PDE8B: variants seen among roughly 807,000 people sequenced by gnomAD.
PDE8B encodes high affinity cAMP-specific and IBMX-insensitive 3',5'-cyclic phosphodiesterase 8B.
A neutral mutation model predicts 101.3 loss-of-function variants in PDE8B; 26 were observed. The observed-to-expected ratio is 0.26, with a 90% confidence interval of 0.19 to 0.36. The LOEUF (loss-of-function observed/expected upper bound fraction) is 0.36, where lower values mean the gene tolerates loss of function less well. PDE8B is among the 10% of genes least tolerant of loss of function. The pLI is 1.00. For missense variants in PDE8B, 810 were observed against 1,163.1 expected (o/e 0.70, Z 4.42); for synonymous variants, 424 against 429.3 (o/e 0.99, Z 0.15).
Position 77,335,551 on chromosome 5 carries a change from G to C in PDE8B, c.709-1676G>C, listed in dbSNP as rs1434933048. On this transcript the variant is annotated intron_variant, in intron 5 of 21. Coordinates refer to ENST00000264917, the MANE Select transcript of PDE8B (RefSeq NM_003719.5). ...ATGTGGGGTGTGTGTGTGTGTGTGT[G>C]TGTGTGTGTGTGTGAGAGAGAGAGG... Among the ~76,000 whole-genome samples, 20 of 128,724 alleles carry C rather than the reference G, an allele frequency of 1.6e-4. No homozygotes were observed. In the East Asian group the frequency reaches 5.7e-3, roughly 37 times the overall value. 84.4% of individuals were successfully genotyped at this position (128,724 alleles called of 152,430 possible).
At chr5:77,197,109 CTTTTTTT>C in the PDE8B span, among the ~76,000 whole-genome samples, 1 of 94,660 alleles carries the variant, frequency 1.1e-5, no homozygotes, top group Admixed American at 1.3e-4. Context: ...TTAAAAAAAA[CTTTTTTT>C]TTTTTTTTTT....
At chr5:77,200,316 G>C in the PDE8B span, among the ~76,000 whole-genome samples, 2 of 152,134 alleles carry the variant, frequency 1.3e-5, no homozygotes, top group African/African-American at 2.4e-5. Flanking sequence ...GCAACCTTTT[G>C]GATAGGATCA....
At chr5:77,394,083 T>C (rs1311965160) in intron 10 of PDE8B, among the ~76,000 whole-genome samples, 1 of 152,216 alleles carries the variant, frequency 6.6e-6, no homozygotes, top group Admixed American at 6.5e-5. Context: ...TACATTGCCA[T>C]AAAGTAAGAA....
rs765720301 is a variant in PDE8B, at chr5:77,211,004, C to G, written c.79C>G (p.Arg27Gly). ...GGACTCGGACGAGTCCAGCTCGCCC[C>G]GCCAGACCACCAGCGTGTCGCAGGG... ...CRDSDESSSP[R>G]QTTSVSQGPA... The change falls in exon 1 of 22, where the codon CGC (arginine) becomes GGC (glycine). Residue 27 changes from arginine (R) to glycine (G), a missense_variant. By Grantham distance (125) the Arg-to-Gly change is moderately radical (BLOSUM62 -2). This residue lies in a region of PDE8B where 159 missense variants were observed against 146.6 expected (regional missense o/e 1.08). Transcript: ENST00000264917. This position sits in a 1 kb window ranked among gnomAD's most constrained non-coding sequence, Gnocchi z 4.1. 6.5e-7 allele frequency: 1 copy of G among 1,548,836 alleles called. No homozygotes were observed. Among genetic ancestry groups the G allele is most frequent in the African/African-American group, 1.4e-5 (1 of 70,544 alleles).
chr5:77,104,217 A>G, the PDE8B span, among the ~76,000 whole-genome samples: 10 of 152,284 alleles, frequency 6.6e-5, no homozygotes, highest in East Asian at 1.7e-3. Context: ...TCCACACAGT[A>G]AGGAACCACG....
the PDE8B span, among the ~76,000 whole-genome samples, chr5:77,092,731 C>T: frequency 3.9e-5 from 6 of 151,974 alleles, no homozygotes; most frequent in South Asian, 2.1e-4. Flanking sequence ...CCAGCCTGGA[C>T]GACATGGTGA....
intron 6 of PDE8B, among the ~76,000 whole-genome samples, chr5:77,338,015 C>T (rs532149199): frequency 6.6e-6 from 1 of 152,260 alleles, no homozygotes; most frequent in South Asian, 2.1e-4. Context: ...TGATGTTTTC[C>T]TCTCTTCTCA....
intron 1 of PDE8B, among the ~76,000 whole-genome samples, chr5:77,253,067 T>G (rs1758392314): frequency 6.6e-6 from 1 of 152,186 alleles, no homozygotes; most frequent in African/African-American, 2.4e-5. Context: ...GAAAATTAAT[T>G]GGTATACTAG....
chr5:77,309,366 C>T (rs1243004785), intron 1 of PDE8B, among the ~76,000 whole-genome samples: 1 of 152,040 alleles, frequency 6.6e-6, no homozygotes, highest in Non-Finnish European at 1.5e-5. Flanking sequence ...GGAATCCTTC[C>T]CTATCTCTTG....
At chr5:77,235,086 C>T (rs961742502) in intron 1 of PDE8B, among the ~76,000 whole-genome samples, 6 of 152,106 alleles carry the variant, frequency 3.9e-5, no homozygotes, top group African/African-American at 1.4e-4. Context: ...CAGAGCAGCC[C>T]CACAGAGGCC....
At chr5:77,261,241 A>G (rs1760517557) in intron 1 of PDE8B, among the ~76,000 whole-genome samples, 1 of 152,206 alleles carries the variant, frequency 6.6e-6, no homozygotes, top group South Asian at 2.1e-4. Context: ...AACTCACCAT[A>G]TGATATATAC....
intron 5 of PDE8B, among the ~76,000 whole-genome samples, chr5:77,333,046 A>C (rs1471000093): frequency 6.6e-6 from 1 of 151,828 alleles, no homozygotes; most frequent in East Asian, 1.9e-4. Context: ...TTTGTGATGC[A>C]GTTGTTTTGT....
chr5:77,268,279 T>C (rs1266912011), intron 1 of PDE8B, among the ~76,000 whole-genome samples: 1 of 152,174 alleles, frequency 6.6e-6, no homozygotes, highest in Non-Finnish European at 1.5e-5. Context: ...ACATGAGATA[T>C]TTTGATACAG....
chr5:77,422,087 A>C (rs1796768105), intron 20 of PDE8B, 99 bp downstream of exon 20: 3 of 1,274,192 alleles, frequency 2.4e-6, no homozygotes, highest in African/African-American at 1.5e-5. Context: ...CTTTTTACCA[A>C]TTAGTTAACC....
the PDE8B span, among the ~76,000 whole-genome samples, chr5:77,089,804 C>G: frequency 1.3e-5 from 2 of 152,258 alleles, no homozygotes; most frequent in Non-Finnish European, 2.9e-5. Flanking sequence ...GGTTATTTAT[C>G]CAAAGGAAAG....
chr5:77,390,834 T>C (rs943385006), intron 10 of PDE8B, among the ~76,000 whole-genome samples: 1 of 152,184 alleles, frequency 6.6e-6, no homozygotes, highest in African/African-American at 2.4e-5. Flanking sequence ...AAGGGACACA[T>C]TTGAAATTGG....
At chr5:77,355,568 G>A (rs908087493) in intron 10 of PDE8B, among the ~76,000 whole-genome samples, 8 of 152,172 alleles carry the variant, frequency 5.3e-5, no homozygotes, top group African/African-American at 1.7e-4. Flanking sequence ...AAGGCTTGCC[G>A]TCAGCAAAGA....
At chr5:77,162,415 A>C in the PDE8B span, among the ~76,000 whole-genome samples, 1 of 152,186 alleles carries the variant, frequency 6.6e-6, no homozygotes, top group Admixed American at 6.5e-5. Context: ...GAAATTGACA[A>C]GCTGACTTTA....
At chr5:77,345,623 A>G (rs748753519) in intron 7 of PDE8B, among the ~76,000 whole-genome samples, 7 of 152,258 alleles carry the variant, frequency 4.6e-5, no homozygotes, top group Non-Finnish European at 7.3e-5. Context: ...GCATTCTTAC[A>G]TGAATGTCAT....
Sources: gnomAD v4.1 joint callset for allele counts (sites outside exome capture counted in the v4.1 genomes callset) on GRCh38, gnomAD v4.1.1 for gene constraint, gnomAD v4.1.1 regional missense constraint, Gnocchi (gnomAD v3.1) non-coding constraint, MANE v1.5 for transcripts, NCBI Gene and HGNC (gene_info 2026-07-23, HGNC 2026-07-21) for gene names.